CEP192: variants seen among roughly 807,000 people sequenced by gnomAD.
The protein encoded by CEP192 is centrosomal protein 192, also known as centrosomal protein of 192 kDa.
A neutral mutation model predicts 271.8 loss-of-function variants in CEP192; 151 were observed. The observed-to-expected ratio is 0.56, with a 90% confidence interval of 0.49 to 0.64. The LOEUF is 0.64. Ranked by LOEUF, CEP192 falls within the 30% of genes least tolerant of loss-of-function variation. CEP192 has a pLI of 0.00. For synonymous variants in CEP192, 995 were observed against 1,076.5 expected, an observed-to-expected ratio of 0.92 and a Z score of 1.48; for missense variants, 2,910 against 3,020.5, an observed-to-expected ratio of 0.96 and a Z score of 0.86.
At chr18:13,071,254 A>G (rs773896148) in intron 28 of CEP192, 42 bp downstream of exon 28, 2 of 1,525,940 alleles carry the variant, frequency 1.3e-6, no homozygotes, top group Non-Finnish European at 1.8e-6. Flanking sequence ...ATTTATACAT[A>G]TTTTGGAGCA....
chr18:13,104,367 G>A (rs1438452818), intron 39 of CEP192, among the ~76,000 whole-genome samples: 1 of 152,152 alleles, frequency 6.6e-6, no homozygotes, highest in Non-Finnish European at 1.5e-5. Flanking sequence ...CAGTGGGTGT[G>A]TCATTGGTGG....
At position 13,087,021 on chromosome 18, in the gene CEP192, C is replaced by T. The variant is rs1202388541; in HGVS notation, c.5621C>T (p.Pro1874Leu). 6 of 1,602,018 alleles carry T rather than the reference C, an allele frequency of 3.7e-6. No individual in the cohort carries two copies. The highest frequency in any genetic ancestry group is 5.1e-6 in the Non-Finnish European group (6 of 1,171,560). Residue 1874 changes from proline (P) to leucine (L), a missense_variant, in exon 31 of 45, where the codon CCT becomes CTT. Physicochemically the swap from Pro to Leu is moderately conservative, Grantham distance 98. Transcript: ENST00000506447. ...RSQPGIKFTI[P>L]LSGYGGTSNL... ...GGATATGTATATCTTTTTTAGATAC[C>T]TTTGTCTGGATATGGAGGAACAAGC...
At chr18:13,082,028 T>G (rs2038636879) in intron 30 of CEP192, among the ~76,000 whole-genome samples, 1 of 152,208 alleles carries the variant, frequency 6.6e-6, no homozygotes, top group South Asian at 2.1e-4. Flanking sequence ...CTTCCAACTA[T>G]GTGGTCAGTT....
At chr18:13,097,357 C>G (rs1005873854) in intron 36 of CEP192, among the ~76,000 whole-genome samples, 1 of 152,220 alleles carries the variant, frequency 6.6e-6, no homozygotes, top group African/African-American at 2.4e-5. Context: ...TCTCTGGCAT[C>G]CCCTGGTTCT....
At chr18:13,063,894 C>T (rs2144294125) in intron 21 of CEP192, among the ~76,000 whole-genome samples, 1 of 150,518 alleles carries the variant, frequency 6.6e-6, no homozygotes, top group African/African-American at 2.4e-5. Context: ...GATCTCGGCT[C>T]ACTGCAACCT....
intron 40 of CEP192, among the ~76,000 whole-genome samples, chr18:13,107,705 G>T (rs2040019629): frequency 6.6e-6 from 1 of 152,170 alleles, no homozygotes; most frequent in Non-Finnish European, 1.5e-5. Context: ...ACAAGGACTA[G>T]TTTTAGGTAA....
chr18:13,073,208 C>A, intron 30 of CEP192, 23 bp downstream of exon 30: 1 of 1,578,046 alleles, frequency 6.3e-7, no homozygotes, highest in Non-Finnish European at 8.6e-7. Flanking sequence ...TATTGCCTTT[C>A]CCTTCCCCTG....
intron 2 of CEP192, among the ~76,000 whole-genome samples, 161 bp downstream of exon 2, chr18:12,999,749 T>C (rs2033488622): frequency 6.6e-6 from 1 of 152,106 alleles, no homozygotes; most frequent in Non-Finnish European, 1.5e-5. Flanking sequence ...TTTACTGTCT[T>C]TTTCCCCATT....
chr18:13,114,417 A>T (rs1233089852), intron 42 of CEP192, among the ~76,000 whole-genome samples, 166 bp downstream of exon 42: 3 of 152,224 alleles, frequency 2.0e-5, no homozygotes, highest in Admixed American at 6.5e-5. Context: ...GTCCCTTTGC[A>T]GTCAAGATTT....
chr18:13,046,078 G>T (rs574823013), intron 15 of CEP192, among the ~76,000 whole-genome samples: 2 of 152,266 alleles, frequency 1.3e-5, no homozygotes, highest in South Asian at 4.2e-4. Flanking sequence ...CGGGCCCATA[G>T]TTCTGCAGGC....
intron 30 of CEP192, among the ~76,000 whole-genome samples, chr18:13,073,832 A>G (rs1358516237): frequency 6.6e-6 from 1 of 152,180 alleles, no homozygotes; most frequent in Non-Finnish European, 1.5e-5. Context: ...GTACTGTCAC[A>G]TTGGGGACTA....
chr18:13,030,401 A>G (rs2035550722), intron 10 of CEP192, 64 bp from the exon 11 acceptor site: 1 of 1,378,864 alleles, frequency 7.3e-7, no homozygotes, highest in Non-Finnish European at 9.7e-7. Flanking sequence ...AAAAAAATTG[A>G]GAATGTTTTG....
intron 21 of CEP192, among the ~76,000 whole-genome samples, chr18:13,061,167 A>G (rs1225113520): frequency 2.0e-5 from 3 of 152,142 alleles, no homozygotes; most frequent in Admixed American, 6.5e-5. Context: ...TAGTAAAAAT[A>G]TAAAAATTAG....
In CEP192 at chr18:13,010,658, C is replaced by A. The variant is rs2034288203; in HGVS notation, c.466+2027C>A. 1.3e-5 allele frequency among the ~76,000 whole-genome samples: 2 copies of A among 152,098 alleles called. 1 individual carries two copies. The highest frequency in any genetic ancestry group is 4.1e-4 in the South Asian group (2 of 4,820). On this transcript the variant is annotated intron_variant, in intron 4 of 44. Coordinates refer to ENST00000506447, the MANE Select transcript of CEP192 (RefSeq NM_032142.4). ...GTCTGGGAGTTCAAGACCAGCCTGA[C>A]CAACATGGAGAAACCCCGTCTCTAC...
chr18:12,991,853 G>A (rs2032876536), intron 1 of CEP192, among the ~76,000 whole-genome samples: 1 of 152,198 alleles, frequency 6.6e-6, no homozygotes, highest in Non-Finnish European at 1.5e-5. Flanking sequence ...TATGTGCCCT[G>A]TGATGGGCGG....
At chr18:13,048,162 A>G (rs1190044822) in intron 15 of CEP192, among the ~76,000 whole-genome samples, 3 of 152,202 alleles carry the variant, frequency 2.0e-5, no homozygotes, top group Non-Finnish European at 4.4e-5. Flanking sequence ...ACTGAGGTGC[A>G]AAAATATTCA....
chr18:13,033,056 A>G (rs966494531), intron 11 of CEP192, among the ~76,000 whole-genome samples: 6 of 152,218 alleles, frequency 3.9e-5, no homozygotes, highest in Non-Finnish European at 5.9e-5. Context: ...TACTGGCAGT[A>G]TTATGCTTCT....
chr18:13,036,748 C>T lies in CEP192; in HGVS notation c.1535-489C>T, dbSNP rs148315177. 6.4e-3 allele frequency among the ~76,000 whole-genome samples: 971 copies of T among 152,290 alleles called. 9 individuals are homozygous for T. The highest frequency in any genetic ancestry group is 8.3e-3 in the Non-Finnish European group (567 of 68,024). ...CTTTCCCAGGGAGGGCTGAGGTGCT[C>T]GGCAGCAGCCTTGAGGGCAGACATT... On this transcript the variant is annotated intron_variant, in intron 11 of 44. Transcript: ENST00000506447.
At position 13,029,684 on chromosome 18, in the gene CEP192, C is replaced by G; in HGVS notation, c.1072C>G (p.Leu358Val). Residue 358 changes from leucine to valine, a missense_variant, in exon 10 of 45, where the codon CTG becomes GTG. By Grantham distance (32) the Leu-to-Val change is conservative. Coordinates refer to ENST00000506447, the MANE Select transcript of CEP192 (RefSeq NM_032142.4). ...AAAGGAATGTGCAAGTAAAGATGTT[C>G]TGGTGAAGACCCTCAGGGCTATTGA... The part of the protein sequence containing the change: ...LNSECASKDV[L>V]VKTLRAIDVK... The G allele has an allele frequency of 6.6e-7, 1 of 1,518,250 alleles. No homozygotes were observed. Among genetic ancestry groups the G allele is most frequent in the Non-Finnish European group, 8.9e-7 (1 of 1,126,722 alleles). The allele number at this position is 1,518,250 out of a possible 1,614,324, so 94.0% of individuals were successfully genotyped here.
Sources: allele counts gnomAD v4.1 joint callset (sites outside exome capture counted in the v4.1 genomes callset), GRCh38; gene constraint gnomAD v4.1.1; transcripts MANE v1.5; gene names NCBI Gene and HGNC (gene_info 2026-07-23, HGNC 2026-07-21).